Variants in SH3BGRL observed in about 807,000 individuals in gnomAD.
SH3BGRL encodes the protein SH3 domain binding glutamate rich protein like, also known as adapter SH3BGRL.
Under a neutral mutation model 9.8 loss-of-function variants are expected in SH3BGRL, and 7 were observed. The observed-to-expected ratio is 0.72, with a 90% CI of 0.41 to 1.35. SH3BGRL has a LOEUF of 1.35. Ranked by LOEUF, SH3BGRL falls within the 40% of genes most tolerant of loss-of-function variation. The pLI, the probability that SH3BGRL is intolerant of heterozygous loss-of-function variation, is 0.01. For missense variants in SH3BGRL, 73 were observed against 84.4 expected, an observed-to-expected ratio of 0.86 and a Z score of 0.53; for synonymous variants, 36 against 29.1, an observed-to-expected ratio of 1.24 and a Z score of -0.76.
chrX:81,277,172 A>G lies in SH3BGRL; in HGVS notation c.231+3A>G. 1 of 1,200,321 alleles carries G rather than the reference A, an allele frequency of 8.3e-7. No individual in the cohort carries two copies. Among genetic ancestry groups the G allele is most frequent in the Non-Finnish European group, 1.1e-6 (1 of 888,349 alleles). ...TCAATGAAAGCCAGTATCGCGGGGT[A>G]AGAAAACAATTTAAATTCTTGTTTA... On this transcript the variant is annotated splice_donor_region_variant and intron_variant, in intron 2 of 3. Transcript: ENST00000373212.
intron 3 of SH3BGRL, among the ~76,000 whole-genome samples, chrX:81,282,789 AC>A (rs1354682691): frequency 9.0e-6 from 1 of 111,604 alleles, no homozygotes; most frequent in Non-Finnish European, 1.9e-5. Flanking sequence ...AACAAACCAA[AC>A]CCAAACCCAG....
At chrX:81,251,480 T>C (rs776793055) in intron 1 of SH3BGRL, among the ~76,000 whole-genome samples, 1 of 110,744 alleles carries the variant, frequency 9.0e-6, no homozygotes, top group African/African-American at 3.3e-5. Flanking sequence ...GTGGTAAAGA[T>C]CATGGGTTCT....
chrX:81,251,751 T>G (rs1051812706), intron 1 of SH3BGRL, among the ~76,000 whole-genome samples: 1 of 112,289 alleles, frequency 8.9e-6, no homozygotes, highest in Non-Finnish European at 1.9e-5. Flanking sequence ...TCTACTTTTT[T>G]GCTCCCTGAA....
At chrX:81,275,027 C>T (rs1256510095) in intron 1 of SH3BGRL, among the ~76,000 whole-genome samples, 1 of 111,239 alleles carries the variant, frequency 9.0e-6, no homozygotes, top group Non-Finnish European at 1.9e-5. Context: ...AGAGTAATTA[C>T]TTCAGTGAAG....
At chrX:81,213,115 C>G (rs1208039054) in intron 1 of SH3BGRL, among the ~76,000 whole-genome samples, 1 of 112,153 alleles carries the variant, frequency 8.9e-6, no homozygotes, top group Non-Finnish European at 1.9e-5. Flanking sequence ...AAATGAGATT[C>G]TGTCTTGTGC....
intron 1 of SH3BGRL, among the ~76,000 whole-genome samples, chrX:81,245,648 A>T (rs2075686145): frequency 8.9e-6 from 1 of 111,840 alleles, no homozygotes; most frequent in Admixed American, 9.4e-5. Flanking sequence ...TACAGAATAT[A>T]TCTTGTTTTG....
intron 1 of SH3BGRL, among the ~76,000 whole-genome samples, chrX:81,217,815 G>A (rs1019354048): frequency 1.8e-5 from 2 of 110,832 alleles, no homozygotes; most frequent in African/African-American, 6.5e-5. Flanking sequence ...TTGACTTTCT[G>A]TCTTGATGAC....
chrX:81,287,446 C>T (rs982961688), intron 3 of SH3BGRL, among the ~76,000 whole-genome samples: 2 of 111,804 alleles, frequency 1.8e-5, no homozygotes, highest in Admixed American at 9.5e-5. Flanking sequence ...CCTGAACAGA[C>T]CAATTACAAG....
intron 1 of SH3BGRL, among the ~76,000 whole-genome samples, chrX:81,253,628 C>A (rs995606652): frequency 2.7e-5 from 3 of 112,194 alleles, no homozygotes; most frequent in Non-Finnish European, 5.6e-5. Context: ...AGGTTTTAAT[C>A]ACTCAACACA....
chrX:81,268,664 G>A (rs181981671), intron 1 of SH3BGRL, among the ~76,000 whole-genome samples: 9 of 111,800 alleles, frequency 8.1e-5, no homozygotes, highest in East Asian at 5.6e-4. Flanking sequence ...GAATAAGTGC[G>A]ATGTGGTGCT....
chrX:81,213,477 C>A (rs1407388957), intron 1 of SH3BGRL, among the ~76,000 whole-genome samples: 1 of 112,160 alleles, frequency 8.9e-6, no homozygotes, highest in East Asian at 2.8e-4. Context: ...TAGCGTTATG[C>A]ATTTTTCCTA....
chrX:81,211,564 G>A (rs1602592921), intron 1 of SH3BGRL, among the ~76,000 whole-genome samples: 2 of 110,721 alleles, frequency 1.8e-5, no homozygotes, highest in South Asian at 7.7e-4. Context: ...TCCAGCCTGG[G>A]CTACAGAGCG....
rs746005498 is a variant in SH3BGRL at position 81,278,425 on chromosome X, T to C, written c.312+14T>C. The C allele has an allele frequency of 9.4e-7, 1 of 1,060,499 alleles. No homozygotes were observed. The highest frequency in any genetic ancestry group is 2.0e-5 in the South Asian group (1 of 49,024). The allele number at this position is 1,060,499 out of a possible 1,213,427, so 87.4% of individuals were successfully genotyped here. ...CCTGGTTCAAAGGTATGATACCCTT[T>C]TTTTCCTGTTTTATAGGTCATTTTA... On this transcript the variant is annotated intron_variant, in intron 3 of 3. Coordinates refer to ENST00000373212, the MANE Select transcript of SH3BGRL (RefSeq NM_003022.3).
intron 1 of SH3BGRL, among the ~76,000 whole-genome samples, chrX:81,275,636 G>A (rs2075796436): frequency 9.0e-6 from 1 of 111,586 alleles, no homozygotes; most frequent in Non-Finnish European, 1.9e-5. Context: ...GTTACATTTA[G>A]GAATGAAAGT....
chrX:81,275,917 T>C (rs1274965348), intron 1 of SH3BGRL, among the ~76,000 whole-genome samples: 1 of 111,802 alleles, frequency 8.9e-6, no homozygotes, highest in Non-Finnish European at 1.9e-5. Context: ...TGGGGGTAGA[T>C]GGAGGGGTGT....
At chrX:81,211,312 C>A (rs893808847) in intron 1 of SH3BGRL, among the ~76,000 whole-genome samples, 1 of 111,603 alleles carries the variant, frequency 9.0e-6, no homozygotes, top group African/African-American at 3.3e-5. Flanking sequence ...AGGCCGGGCG[C>A]GGTGGCTCAC....
intron 3 of SH3BGRL, among the ~76,000 whole-genome samples, chrX:81,288,551 CA>C (rs1161753550): frequency 8.9e-6 from 1 of 111,788 alleles, no homozygotes; most frequent in Non-Finnish European, 1.9e-5. Flanking sequence ...AAGACTTCAC[CA>C]AAAAACCATT....
intron 1 of SH3BGRL, among the ~76,000 whole-genome samples, chrX:81,269,148 G>A (rs1020984056): frequency 6.3e-5 from 7 of 111,477 alleles, no homozygotes; most frequent in Admixed American, 2.9e-4. Context: ...ACAGCACACC[G>A]ATGGGTCTTG....
intron 1 of SH3BGRL, among the ~76,000 whole-genome samples, chrX:81,213,262 A>G (rs1337675769): frequency 1.8e-5 from 2 of 112,083 alleles, no homozygotes; most frequent in African/African-American, 6.5e-5. Context: ...GGTAATCATG[A>G]CCGAATTCTA....
Sources: gnomAD v4.1 joint callset for allele counts (sites outside exome capture counted in the v4.1 genomes callset) on GRCh38, gnomAD v4.1.1 for gene constraint, MANE v1.5 for transcripts, NCBI Gene and HGNC (gene_info 2026-07-23, HGNC 2026-07-21) for gene names.